DTNB: variants seen among roughly 807,000 people sequenced by gnomAD.
DTNB encodes the protein DTN-B.
DTNB carries 63 observed loss-of-function variants against 90.7 expected under a neutral mutation model. The ratio of observed to expected loss-of-function variants is 0.69; its 90% CI spans 0.57 to 0.86. The LOEUF (loss-of-function observed/expected upper bound fraction) is 0.86. Among genes scored for constraint, DTNB ranks in the 40% least tolerant of loss-of-function variants. DTNB has a pLI of 0.00. For missense variants in DTNB, 744 were observed against 807.1 expected, an observed-to-expected ratio of 0.92 and a Z score of 0.95; for synonymous variants, 277 against 286.7, an observed-to-expected ratio of 0.97 and a Z score of 0.34.
chr2:25,540,416 CT>C (rs972717087), intron 8 of DTNB, among the ~76,000 whole-genome samples: 7 of 150,800 alleles, frequency 4.6e-5, no homozygotes, highest in Non-Finnish European at 2.9e-5. Flanking sequence ...CAGCCCTGCT[CT>C]TTTTTTATAA....
rs60019416 is a variant in DTNB, at chr2:25,515,572, CATTTATTTATTT to C, written c.1001+15889_1001+15900del. Among the ~76,000 whole-genome samples, 945 of 150,172 alleles carry C rather than the reference CATTTATTTATTT, an allele frequency of 6.3e-3. 12 individuals are homozygous for C. The highest frequency in any genetic ancestry group is 0.021 in the African/African-American group (869 of 40,606). On this transcript the variant is annotated intron_variant, in intron 9 of 20. Coordinates refer to ENST00000406818, the MANE Select transcript of DTNB (RefSeq NM_021907.5). ...GTGCTTAGACAAGTGGATATCCATG[CATTTATTTATTT>C]ATTTATTTATTTATTTATTTAAGAC...
At chr2:25,621,704 G>C (rs762527686) in intron 4 of DTNB, among the ~76,000 whole-genome samples, 4 of 145,224 alleles carry the variant, frequency 2.8e-5, no homozygotes, top group Non-Finnish European at 4.5e-5. Context: ...TGATCCGCCT[G>C]TCTCAGCCTC....
intron 14 of DTNB, 94 bp downstream of exon 14, chr2:25,432,792 G>T: frequency 7.7e-7 from 1 of 1,302,362 alleles, no homozygotes; most frequent in Non-Finnish European, 1.1e-6. Flanking sequence ...TGTTTATACT[G>T]AACAACAGAT....
At chr2:25,566,817 G>A (rs1414848800) in intron 8 of DTNB, among the ~76,000 whole-genome samples, 1 of 152,224 alleles carries the variant, frequency 6.6e-6, no homozygotes, top group Non-Finnish European at 1.5e-5. Flanking sequence ...AATGTGCAGA[G>A]AAGCAGTTGA....
intron 18 of DTNB, among the ~76,000 whole-genome samples, chr2:25,385,819 T>C (rs2039317648): frequency 6.6e-6 from 1 of 152,246 alleles, no homozygotes; most frequent in African/African-American, 2.4e-5. Flanking sequence ...TTGGTCTCTA[T>C]GTGCTTTCCA....
At chr2:25,427,119 A>G (rs540367432) in intron 15 of DTNB, among the ~76,000 whole-genome samples, 1 of 151,880 alleles carries the variant, frequency 6.6e-6, no homozygotes, top group South Asian at 2.1e-4. Flanking sequence ...CGGAGGTTCC[A>G]GTGAGCCAAC....
intron 2 of DTNB, among the ~76,000 whole-genome samples, chr2:25,641,747 T>A (rs1172319950): frequency 6.6e-6 from 1 of 152,214 alleles, no homozygotes; most frequent in Non-Finnish European, 1.5e-5. Flanking sequence ...TTTAGTGCAC[T>A]GCAAACACCT....
chr2:25,586,203 C>T (rs2062370736), intron 6 of DTNB, among the ~76,000 whole-genome samples: 1 of 152,096 alleles, frequency 6.6e-6, no homozygotes, highest in Non-Finnish European at 1.5e-5. Flanking sequence ...TCATACTTAA[C>T]TTAAAATGCT....
intron 14 of DTNB, among the ~76,000 whole-genome samples, chr2:25,431,695 C>A (rs1226937484): frequency 6.6e-6 from 1 of 152,158 alleles, no homozygotes; most frequent in Admixed American, 6.5e-5. Flanking sequence ...GGATGACAGG[C>A]CTTTTTGCTT....
chr2:25,500,676 TC>T (rs2070373181), intron 9 of DTNB, among the ~76,000 whole-genome samples: 1 of 151,984 alleles, frequency 6.6e-6, no homozygotes, highest in Non-Finnish European at 1.5e-5. Flanking sequence ...TCCAGGGACT[TC>T]CAGTACAAGG....
intron 9 of DTNB, among the ~76,000 whole-genome samples, chr2:25,503,336 T>A (rs958240212): frequency 4.6e-5 from 7 of 151,326 alleles, no homozygotes; most frequent in Non-Finnish European, 1.0e-4. Context: ...AAAAAAAAAA[T>A]TTTAAAAATT....
intron 6 of DTNB, among the ~76,000 whole-genome samples, chr2:25,587,168 C>T (rs928509103): frequency 4.9e-4 from 74 of 152,112 alleles, no homozygotes; most frequent in African/African-American, 1.7e-3. Flanking sequence ...CAACGTCATG[C>T]TAAGCAGCTT....
At chr2:25,395,107 T>G (rs1299146196) in intron 16 of DTNB, among the ~76,000 whole-genome samples, 3 of 152,238 alleles carry the variant, frequency 2.0e-5, no homozygotes, top group Non-Finnish European at 2.9e-5. Flanking sequence ...GAGACTATTT[T>G]TCTAAGTGAA....
chr2:25,399,179 G>C (rs1046736547), intron 16 of DTNB, among the ~76,000 whole-genome samples: 2 of 152,008 alleles, frequency 1.3e-5, no homozygotes, highest in African/African-American at 2.4e-5. Flanking sequence ...CTCCTGAGTA[G>C]CTGGGACTAC....
intron 9 of DTNB, chr2:25,497,302 T>C (rs778418834): frequency 1.3e-5 from 2 of 152,180 alleles, no homozygotes; most frequent in Non-Finnish European, 2.9e-5. Flanking sequence ...ACACACCTAC[T>C]TGCAATAGAA....
At chr2:25,381,208 CGT>C (rs141187034) in intron 19 of DTNB, among the ~76,000 whole-genome samples, 31 of 152,116 alleles carry the variant, frequency 2.0e-4, no homozygotes, top group African/African-American at 4.8e-4. Flanking sequence ...TGTGCGTGTG[CGT>C]GTGTGTGCGC....
intron 2 of DTNB, among the ~76,000 whole-genome samples, chr2:25,651,649 A>G (rs183979651): frequency 5.3e-4 from 80 of 152,314 alleles, no homozygotes; most frequent in Admixed American, 1.8e-3. Context: ...GGCTGAGCTG[A>G]GTCAAACTCT....
chr2:25,573,415 T>C (rs2060177016), intron 8 of DTNB, among the ~76,000 whole-genome samples: 1 of 152,212 alleles, frequency 6.6e-6, no homozygotes, highest in Admixed American at 6.5e-5. Context: ...CTTTTTCAAC[T>C]GAGAAGGTCT....
chr2:25,548,519 T>A (rs762661075), intron 8 of DTNB, among the ~76,000 whole-genome samples: 6 of 151,954 alleles, frequency 3.9e-5, no homozygotes, highest in Admixed American at 6.6e-5. Context: ...CACATGGACA[T>A]CTGGGGAATG....
Sources: gnomAD v4.1 joint callset for allele counts (sites outside exome capture counted in the v4.1 genomes callset) on GRCh38, gnomAD v4.1.1 for gene constraint, MANE v1.5 for transcripts, NCBI Gene and HGNC (gene_info 2026-07-23, HGNC 2026-07-21) for gene names.